SPAG17: variants seen among roughly 807,000 people sequenced by gnomAD.
SPAG17 encodes the protein sperm associated antigen 17, also known as sperm-associated antigen 17.
Under a neutral mutation model 273.6 loss-of-function variants are expected in SPAG17, and 169 were observed. The ratio of observed to expected loss-of-function variants is 0.62; its 90% CI spans 0.55 to 0.70. The LOEUF is 0.70. Among genes scored for constraint, SPAG17 ranks in the 30% least tolerant of loss-of-function variants. The pLI, the probability that SPAG17 is intolerant of heterozygous loss-of-function variation, is 0.00. For synonymous variants in SPAG17, 825 were observed against 873.2 expected (o/e 0.94, Z 0.97); for missense variants, 2,557 against 2,627.8 (o/e 0.97, Z 0.59).
intron 5 of SPAG17, among the ~76,000 whole-genome samples, chr1:118,100,783 G>T (rs1426762160): frequency 6.6e-6 from 1 of 152,152 alleles, no homozygotes; most frequent in East Asian, 1.9e-4. Context: ...AGGCAGGAAT[G>T]AATTACTTAC....
At chr1:118,058,374 A>C (rs1651927719) in intron 18 of SPAG17, among the ~76,000 whole-genome samples, 1 of 152,062 alleles carries the variant, frequency 6.6e-6, no homozygotes, top group South Asian at 2.1e-4. Context: ...GACCCAGCTA[A>C]TTTTTGTATT....
In SPAG17 at chr1:118,028,292, T is replaced by C. The variant is rs1424711296; in HGVS notation, c.3712A>G (p.Ile1238Val). ...CACTTACCTGTAGATTCTTGTCCAA[T>C]GAAAGTCAACAGGAGCCCACTGGGG... ...SCPSGLLLTF[I>V]GQESTGQYVI... The change falls in exon 26 of 49, where the codon ATT becomes GTT. Residue 1238 changes from isoleucine (I) to valine (V), a missense_variant. Physicochemically the swap from Ile to Val is conservative, Grantham distance 29 (BLOSUM62 3). Transcript: ENST00000336338. 6.2e-7 allele frequency: 1 copy of C among 1,613,462 alleles called. No individual in the cohort carries two copies. The highest frequency in any genetic ancestry group is 8.5e-7 in the Non-Finnish European group (1 of 1,179,642).
chr1:117,957,253 C>G (rs1036242246), intron 48 of SPAG17: 3 of 1,548,908 alleles, frequency 1.9e-6, no homozygotes, highest in Non-Finnish European at 2.6e-6. Context: ...TTCAGTAGTA[C>G]CTTAACTGAA....
intron 34 of SPAG17, among the ~76,000 whole-genome samples, chr1:117,995,592 G>A (rs1269003378): frequency 6.6e-6 from 1 of 151,804 alleles, no homozygotes; most frequent in Non-Finnish European, 1.5e-5. Context: ...TTAATGTCAT[G>A]CACATGTGCA....
chr1:118,099,137 G>C (rs1368676649), intron 6 of SPAG17, among the ~76,000 whole-genome samples: 4 of 152,108 alleles, frequency 2.6e-5, no homozygotes, highest in Non-Finnish European at 4.4e-5. Flanking sequence ...CCCACAACTT[G>C]CTAGTCTAAG....
chr1:118,176,701 C>T (rs1313574575), intron 1 of SPAG17, among the ~76,000 whole-genome samples: 1 of 152,114 alleles, frequency 6.6e-6, no homozygotes, highest in Non-Finnish European at 1.5e-5. Flanking sequence ...ACCAAATAGG[C>T]CTAACTGATA....
At chr1:117,966,513 TTAA>T in intron 47 of SPAG17, 93 bp downstream of exon 47, 1 of 1,167,960 alleles carries the variant, frequency 8.6e-7, no homozygotes, top group Non-Finnish European at 1.2e-6. Context: ...GAAGATAGAA[TTAA>T]TAAAGTAGAG....
At chr1:117,986,161 A>C (rs1010026389) in intron 40 of SPAG17, among the ~76,000 whole-genome samples, 1 of 152,172 alleles carries the variant, frequency 6.6e-6, no homozygotes, top group Non-Finnish European at 1.5e-5. Context: ...GACAGGCATG[A>C]CCAAAATACA....
rs188925593 is a variant in SPAG17, at chr1:118,075,015, G to A, written c.2210-415C>T. 2.0e-5 allele frequency among the ~76,000 whole-genome samples: 3 copies of A among 152,258 alleles called. No individual in the cohort carries two copies. The East Asian group carries it at 5.8e-4, about 29-fold the overall frequency. ...TTTAAATTTCTGTGGATCTTATCTTGTGGATGACAGACTAGGGTGGGGGCA... is the reference window on the plus strand; with the variant it reads ...TTTAAATTTCTGTGGATCTTATCTTATGGATGACAGACTAGGGTGGGGGCA... On this transcript the variant is annotated intron_variant, in intron 15 of 48. Coordinates refer to ENST00000336338, the MANE Select transcript of SPAG17 (RefSeq NM_206996.4).
chr1:118,128,374 T>C (rs952469751), intron 3 of SPAG17, among the ~76,000 whole-genome samples: 1 of 152,198 alleles, frequency 6.6e-6, no homozygotes, highest in Non-Finnish European at 1.5e-5. Context: ...CATTTTCCAA[T>C]TTTGATACCC....
rs201385376 is a variant in SPAG17 at position 118,040,836 on chromosome 1, G to A, written c.3060C>T (p.His1020=). ...QPEPKITYPF[H]GYNMGNIPTQ... is the part of the protein sequence containing the mutation. ...TGGGTATATTTCCCATATTGTATCC[G>A]TGAAACTAGAAGAGAAAATATTATG... is the stretch of plus-strand genomic sequence containing the variant. Residue 1020 remains histidine, a synonymous_variant, in exon 22 of 49, where the codon CAC becomes CAT. Transcript: ENST00000336338. 244 of 1,552,246 alleles carry A rather than the reference G, an allele frequency of 1.6e-4. 1 individual carries two copies. In the Middle Eastern group the frequency reaches 2.7e-3, roughly 17 times the overall value.
At chr1:118,169,548 C>A (rs771018204) in intron 1 of SPAG17, among the ~76,000 whole-genome samples, 3 of 152,082 alleles carry the variant, frequency 2.0e-5, no homozygotes, top group Non-Finnish European at 4.4e-5. Flanking sequence ...AGTTGAAAAA[C>A]TCTTTGCTGC....
At chr1:117,988,029 A>T in intron 39 of SPAG17, 76 bp downstream of exon 39, 1 of 1,439,120 alleles carries the variant, frequency 6.9e-7, no homozygotes, top group Admixed American at 2.1e-5. Context: ...ACCAAAAGTT[A>T]TAGCACCTGC....
chr1:118,179,056 C>T (rs1389831879), intron 1 of SPAG17, among the ~76,000 whole-genome samples: 2 of 151,872 alleles, frequency 1.3e-5, no homozygotes, highest in Non-Finnish European at 2.9e-5. Flanking sequence ...TATGCAATCC[C>T]TATTAAAATA....
chr1:117,984,001 A>G (rs1656125218), intron 41 of SPAG17, 88 bp from the exon 42 acceptor site: 5 of 612,150 alleles, frequency 8.2e-6, no homozygotes, highest in Non-Finnish European at 1.1e-5. Context: ...CAATAATGAA[A>G]ACATATTTTT....
At chr1:118,013,089 T>C (rs575723460) in intron 29 of SPAG17, among the ~76,000 whole-genome samples, 25 of 152,330 alleles carry the variant, frequency 1.6e-4, no homozygotes, top group African/African-American at 6.0e-4. Context: ...TATGTCTCTA[T>C]TAAAATCTTG....
intron 1 of SPAG17, among the ~76,000 whole-genome samples, chr1:118,156,832 T>C (rs1287822505): frequency 6.6e-6 from 1 of 152,032 alleles, no homozygotes; most frequent in Non-Finnish European, 1.5e-5. Context: ...GAAATTCTTA[T>C]GAGTTTGATT....
chr1:118,101,684 T>G (rs1157676367), intron 5 of SPAG17, 56 bp downstream of exon 5: 1 of 1,533,994 alleles, frequency 6.5e-7, no homozygotes, highest in African/African-American at 1.4e-5. Context: ...GGTCTCATTT[T>G]ATTGCCACTG....
intron 1 of SPAG17, among the ~76,000 whole-genome samples, chr1:118,165,563 G>A (rs1660127255): frequency 6.7e-6 from 1 of 149,856 alleles, no homozygotes; most frequent in Admixed American, 6.6e-5. Context: ...TGCATGGCAA[G>A]TTAAACAATA....
Sources: allele counts gnomAD v4.1 joint callset (sites outside exome capture counted in the v4.1 genomes callset), GRCh38; gene constraint gnomAD v4.1.1; transcripts MANE v1.5; gene names NCBI Gene and HGNC (gene_info 2026-07-23, HGNC 2026-07-21).